The following WDR33 variants were observed in gnomAD, a reference collection of about 807,000 sequenced individuals.
The protein encoded by WDR33 is pre-mRNA 3' end processing protein WDR33.
Under a neutral mutation model 164.9 loss-of-function variants are expected in WDR33, and 47 were observed. The observed-to-expected ratio is 0.29, with a 90% CI of 0.23 to 0.36. WDR33 has a LOEUF of 0.36. Ranked by LOEUF, WDR33 falls within the 10% of genes least tolerant of loss-of-function variation. The pLI, the probability that WDR33 is intolerant of heterozygous loss-of-function variation, is 1.00. For missense variants in WDR33, 1,137 were observed against 1,754.1 expected (o/e 0.65, Z 6.28); for synonymous variants, 505 against 589.0 (o/e 0.86, Z 2.06).
At chr2:127,782,835 C>T (rs149162150) in intron 1 of WDR33, among the ~76,000 whole-genome samples, 6,425 of 152,160 alleles carry the variant, frequency 0.042, 397 homozygotes, top group African/African-American at 0.14. Context: ...TGGTGAAACC[C>T]CATCTCTACT....
chr2:127,805,064 T>C lies in WDR33; in HGVS notation c.-24+5948A>G, dbSNP rs1198526253. On this transcript the variant is annotated intron_variant, in intron 1 of 21. Transcript: ENST00000322313. ...ATCACGTATCATCACCTGTGAAGTT[T>C]TTTCTTTTTTTTTTTTTTTTTTTTT... is the stretch of plus-strand genomic sequence containing the variant. Among the ~76,000 whole-genome samples, 3 of 145,238 alleles carry C rather than the reference T, an allele frequency of 2.1e-5. No individual in the cohort carries two copies. The East Asian group carries it at 5.9e-4, about 29-fold the overall frequency.
In WDR33 at chr2:127,768,924, T is replaced by C. The variant is rs192442450; in HGVS notation, c.273+9A>G. The stretch of plus-strand genomic sequence containing the variant: ...TTTATTAAGCTAGTATGACACATCA[T>C]GTACTTACATCATTGTAATAACCTG... On this transcript the variant is annotated intron_variant, in intron 3 of 21. Transcript: ENST00000322313. 9.8e-5 allele frequency: 156 copies of C among 1,592,892 alleles called. 1 individual carries two copies. In the East Asian group the frequency reaches 3.5e-3, roughly 36 times the overall value.
At chr2:127,788,534 A>C (rs1164281384) in intron 1 of WDR33, among the ~76,000 whole-genome samples, 2 of 84,354 alleles carry the variant, frequency 2.4e-5, no homozygotes, top group African/African-American at 1.1e-4. Context: ...TGACCCCCCC[A>C]TCTCCCTCCC....
intron 1 of WDR33, among the ~76,000 whole-genome samples, chr2:127,784,911 T>A (rs775951895): frequency 2.8e-4 from 42 of 152,318 alleles, no homozygotes; most frequent in African/African-American, 9.1e-4. Flanking sequence ...AATGTATTAA[T>A]TATTGGGAAC....
intron 1 of WDR33, among the ~76,000 whole-genome samples, chr2:127,805,104 G>A (rs1689389499): frequency 9.5e-6 from 1 of 105,540 alleles, no homozygotes; most frequent in African/African-American, 4.2e-5. Flanking sequence ...TTTTGAGACA[G>A]GGTTCTCTTG....
At chr2:127,798,240 T>C (rs1334131989) in intron 1 of WDR33, among the ~76,000 whole-genome samples, 1 of 151,044 alleles carries the variant, frequency 6.6e-6, no homozygotes, top group East Asian at 2.0e-4. Flanking sequence ...TGGTGGCACA[T>C]GCCTGTAATC....
chr2:127,706,689 G>T lies in WDR33; in HGVS notation c.3782-137C>A, dbSNP rs563634021. On this transcript the variant is annotated intron_variant, in intron 21 of 21. Coordinates refer to ENST00000322313, the MANE Select transcript of WDR33 (RefSeq NM_018383.5). The surrounding 1 kb of genome is among the most constrained non-coding windows in gnomAD (Gnocchi z 5.1). Reference sequence around the variant, plus strand: ...AGGGAGACTGGCAGTGGTATTCAGCGTACTGAGAGGTGTGCCTCTACCCTT... The same window carrying T: ...AGGGAGACTGGCAGTGGTATTCAGCTTACTGAGAGGTGTGCCTCTACCCTT... The T allele has an allele frequency of 1.3e-6, 1 of 750,794 alleles. No individual in the cohort carries two copies. Among genetic ancestry groups the T allele is most frequent in the Admixed American group, 3.2e-5 (1 of 31,700 alleles). The allele number at this position is 750,794 out of a possible 1,614,324, so 46.5% of individuals were successfully genotyped here.
intron 7 of WDR33, among the ~76,000 whole-genome samples, chr2:127,734,850 C>T (rs182113487): frequency 6.6e-6 from 1 of 152,166 alleles, no homozygotes; most frequent in East Asian, 1.9e-4. Flanking sequence ...AAACAGAAAA[C>T]TCTCTCCCCC....
chr2:127,763,878 C>A lies in WDR33; in HGVS notation c.627-719G>T. 2.0e-6 allele frequency: 2 copies of A among 985,566 alleles called. No individual in the cohort carries two copies. Among genetic ancestry groups the A allele is most frequent in the Non-Finnish European group, 2.4e-6 (2 of 830,090 alleles). 61.1% of individuals were successfully genotyped at this position (985,566 alleles called of 1,614,324 possible). A position where few individuals can be genotyped will look rare whatever the true frequency, so the allele number is the denominator to read the frequency against. ...TGAACTTTGGAATCCTATGAAGGAC[C>A]AGCTGTGTAAACTCAATGTATGGGC... On this transcript the variant is annotated intron_variant, in intron 6 of 21. Coordinates refer to ENST00000322313, the MANE Select transcript of WDR33 (RefSeq NM_018383.5). This position sits in a 1 kb window ranked among gnomAD's most constrained non-coding sequence, Gnocchi z 4.5.
chr2:127,755,593 C>G (rs978298824), intron 7 of WDR33, among the ~76,000 whole-genome samples: 2 of 152,206 alleles, frequency 1.3e-5, no homozygotes, highest in Non-Finnish European at 2.9e-5. Context: ...CAAGCCTGCG[C>G]GTGCATGCAT....
intron 7 of WDR33, among the ~76,000 whole-genome samples, chr2:127,745,766 C>G (rs1687149591): frequency 6.6e-6 from 1 of 152,068 alleles, no homozygotes; most frequent in African/African-American, 2.4e-5. Context: ...TGTAGAGTAA[C>G]TCGGTATGTC....
At chr2:127,781,906 G>A (rs1023872233) in intron 1 of WDR33, among the ~76,000 whole-genome samples, 7 of 151,086 alleles carry the variant, frequency 4.6e-5, no homozygotes, top group African/African-American at 1.7e-4. Flanking sequence ...GCTGAGGCAG[G>A]AGAATTGCCT....
intron 7 of WDR33, chr2:127,736,193 G>C (rs1686836042): frequency 1.0e-6 from 1 of 985,260 alleles, no homozygotes; most frequent in Non-Finnish European, 1.2e-6. Context: ...AAGTCTGCCA[G>C]AAGGCTGATT....
At chr2:127,761,435 C>T (rs1171335776) in intron 7 of WDR33, among the ~76,000 whole-genome samples, 1 of 152,114 alleles carries the variant, frequency 6.6e-6, no homozygotes, top group Non-Finnish European at 1.5e-5. Context: ...CTCCTGACCT[C>T]GTGATCCGCC....
At chr2:127,781,345 A>T (rs1240302013) in intron 1 of WDR33, among the ~76,000 whole-genome samples, 1 of 152,196 alleles carries the variant, frequency 6.6e-6, no homozygotes, top group East Asian at 1.9e-4. Flanking sequence ...TGTGGTTATA[A>T]AAAAGGTAAC....
At chr2:127,740,475 G>T (rs1410732322) in intron 7 of WDR33, among the ~76,000 whole-genome samples, 3 of 152,158 alleles carry the variant, frequency 2.0e-5, no homozygotes, top group Non-Finnish European at 4.4e-5. Context: ...AGCCCGGGAG[G>T]TCAAGGATGC....
rs6754215 is a variant in WDR33 at position 127,738,071 on chromosome 2, G to C, written c.725-11294C>G. On this transcript the variant is annotated intron_variant, in intron 7 of 21. Transcript: ENST00000322313. The surrounding 1 kb of genome is among the most constrained non-coding windows in gnomAD (Gnocchi z 4.4). The stretch of plus-strand genomic sequence containing the variant: ...AACATGTATCTATCAAAACAAGAAG[G>C]GTGCATGAACTCTTAAATACTGTGC... The C allele has an allele frequency of 1.2e-6, 2 of 1,610,632 alleles. No homozygotes were observed. The highest frequency in any genetic ancestry group is 2.7e-5 in the African/African-American group (2 of 74,630).
intron 1 of WDR33, among the ~76,000 whole-genome samples, chr2:127,789,613 G>C (rs1216116017): frequency 6.6e-6 from 1 of 151,354 alleles, no homozygotes; most frequent in Non-Finnish European, 1.5e-5. Flanking sequence ...ATCAGGCAGG[G>C]AGGTTGCAGT....
chr2:127,806,210 C>CTTTTT (rs200197402), intron 1 of WDR33, among the ~76,000 whole-genome samples: 4 of 132,928 alleles, frequency 3.0e-5, no homozygotes, highest in African/African-American at 5.6e-5. Context: ...TTTTCTTTTT[C>CTTTTT]TTTTTTTTTT....
Sources: gnomAD v4.1 joint callset for allele counts (sites outside exome capture counted in the v4.1 genomes callset) on GRCh38, gnomAD v4.1.1 for gene constraint, Gnocchi (gnomAD v3.1) non-coding constraint, MANE v1.5 for transcripts, NCBI Gene and HGNC (gene_info 2026-07-23, HGNC 2026-07-21) for gene names.